ARHGAP24: variants seen among roughly 807,000 people sequenced by gnomAD.
ARHGAP24 encodes Rho GTPase activating protein 24, also known as rho GTPase-activating protein 24.
In ARHGAP24, 50 loss-of-function variants were observed where a neutral mutation model predicts 76.4. That is an observed-to-expected ratio of 0.65 (90% CI 0.52 to 0.83). The LOEUF (loss-of-function observed/expected upper bound fraction) is 0.83. Among genes scored for constraint, ARHGAP24 ranks in the 40% least tolerant of loss-of-function variants. ARHGAP24 has a pLI of 0.00. For missense variants in ARHGAP24, 930 were observed against 914.2 expected (o/e 1.02, Z -0.22); for synonymous variants, 345 against 323.3 (o/e 1.07, Z -0.72).
Position 85,734,734 on chromosome 4 carries a change from A to G in ARHGAP24, c.268+12762A>G, listed in dbSNP as rs116593733. Among the ~76,000 whole-genome samples the G allele has an allele frequency of 3.5e-3, 512 of 144,874 alleles. 1 individual carries two copies. The highest frequency in any genetic ancestry group is 0.013 in the African/African-American group (496 of 39,648). On this transcript the variant is annotated intron_variant, in intron 3 of 9. Coordinates refer to ENST00000395184, the MANE Select transcript of ARHGAP24 (RefSeq NM_001025616.3). ...CTTGCTTATCGGAATCACAGTGGAG[A>G]TAATGACAAAACTGTGCTTGGAGGC... is the stretch of plus-strand genomic sequence containing the variant.
intron 2 of ARHGAP24, among the ~76,000 whole-genome samples, chr4:85,717,855 A>G (rs1724789218): frequency 6.6e-6 from 1 of 152,210 alleles, no homozygotes; most frequent in Non-Finnish European, 1.5e-5. Context: ...GAGAGCAAAG[A>G]GTTTATTATT....
chr4:85,917,617 A>AC (rs1735494094), intron 3 of ARHGAP24, among the ~76,000 whole-genome samples: 1 of 152,182 alleles, frequency 6.6e-6, no homozygotes, highest in African/African-American at 2.4e-5. Context: ...AACTGGTGTG[A>AC]GATGGTATCT....
intron 8 of ARHGAP24, among the ~76,000 whole-genome samples, chr4:85,988,361 A>C (rs1449637134): frequency 1.3e-5 from 2 of 151,854 alleles, no homozygotes. Context: ...GTAACATGGC[A>C]TACATAATAC....
chr4:85,985,089 T>A (rs1282197915), intron 8 of ARHGAP24, among the ~76,000 whole-genome samples: 7 of 152,212 alleles, frequency 4.6e-5, no homozygotes, highest in Admixed American at 4.6e-4. Context: ...CCCTGAGTGC[T>A]GGGATTAGAG....
intron 3 of ARHGAP24, among the ~76,000 whole-genome samples, chr4:85,747,364 A>T (rs1016075282): frequency 6.6e-6 from 1 of 152,176 alleles, no homozygotes; most frequent in Non-Finnish European, 1.5e-5. Flanking sequence ...AGCACTAAGC[A>T]CAAATAAAAA....
intron 3 of ARHGAP24, among the ~76,000 whole-genome samples, chr4:85,906,239 G>C (rs1330989201): frequency 6.6e-6 from 1 of 152,114 alleles, no homozygotes. Context: ...ACTCACATTA[G>C]GAAGCTGCTT....
chr4:85,709,377 A>T (rs907587843), intron 2 of ARHGAP24, among the ~76,000 whole-genome samples: 3 of 152,192 alleles, frequency 2.0e-5, no homozygotes, highest in Admixed American at 6.6e-5. Flanking sequence ...ATCTCCACAG[A>T]TAAAAATAGT....
chr4:85,508,434 CATTCATAA>C (rs1560513350), intron 1 of ARHGAP24, among the ~76,000 whole-genome samples: 1 of 152,056 alleles, frequency 6.6e-6, no homozygotes, highest in Non-Finnish European at 1.5e-5. Flanking sequence ...AGTGATCTTC[CATTCATAA>C]ATTATAGCTT....
intron 3 of ARHGAP24, among the ~76,000 whole-genome samples, chr4:85,896,607 G>A (rs1247728816): frequency 1.3e-5 from 2 of 152,016 alleles, no homozygotes; most frequent in Non-Finnish European, 2.9e-5. Flanking sequence ...CATTTATTTG[G>A]GAGACATAGG....
chr4:85,577,962 G>A (rs978298462), intron 2 of ARHGAP24, among the ~76,000 whole-genome samples: 1 of 152,124 alleles, frequency 6.6e-6, no homozygotes, highest in African/African-American at 2.4e-5. Flanking sequence ...GAAAGCAGAG[G>A]CAAGTTTGTT....
chr4:86,000,076 C>A, intron 9 of ARHGAP24: 1 of 160,162 alleles, frequency 6.2e-6, no homozygotes, highest in South Asian at 1.4e-4. Context: ...AATGTTATTG[C>A]CCTCTTTTTT....
intron 3 of ARHGAP24, among the ~76,000 whole-genome samples, chr4:85,867,515 A>C (rs1360618794): frequency 6.6e-6 from 1 of 152,114 alleles, no homozygotes; most frequent in Non-Finnish European, 1.5e-5. Flanking sequence ...CATATGATTT[A>C]AATTTTTTTC....
chr4:85,652,098 G>A (rs530018212), intron 2 of ARHGAP24, among the ~76,000 whole-genome samples: 2 of 152,166 alleles, frequency 1.3e-5, no homozygotes, highest in East Asian at 3.9e-4. Flanking sequence ...AAGACTTTAT[G>A]CTGCATGCTT....
chr4:85,616,313 A>G (rs1239456794), intron 2 of ARHGAP24, among the ~76,000 whole-genome samples: 1 of 152,234 alleles, frequency 6.6e-6, no homozygotes, highest in African/African-American at 2.4e-5. Context: ...TGTTAAGTAA[A>G]GCCTACAAAG....
At chr4:85,934,169 A>G (rs547172971) in intron 4 of ARHGAP24, among the ~76,000 whole-genome samples, 11 of 152,352 alleles carry the variant, frequency 7.2e-5, no homozygotes, top group Non-Finnish European at 1.5e-4. Flanking sequence ...AGTGCTGTCA[A>G]GCAACTTTCC....
chr4:85,668,086 C>G (rs899660723), intron 2 of ARHGAP24, among the ~76,000 whole-genome samples: 2 of 152,000 alleles, frequency 1.3e-5, no homozygotes, highest in Admixed American at 6.6e-5. Context: ...TCTTGTGATC[C>G]CCTTCAGTTT....
chr4:85,657,704 C>T (rs1359633912), intron 2 of ARHGAP24, among the ~76,000 whole-genome samples: 4 of 152,180 alleles, frequency 2.6e-5, no homozygotes, highest in Admixed American at 6.5e-5. Flanking sequence ...CAAACATTGC[C>T]GGGGTAGATG....
intron 3 of ARHGAP24, among the ~76,000 whole-genome samples, chr4:85,917,452 G>A (rs1209319070): frequency 6.6e-6 from 1 of 151,704 alleles, no homozygotes; most frequent in Non-Finnish European, 1.5e-5. Context: ...TGGGTCAAAT[G>A]GTATTTCTAG....
chr4:85,904,498 T>C (rs1375240716), intron 3 of ARHGAP24, among the ~76,000 whole-genome samples: 9 of 152,206 alleles, frequency 5.9e-5, no homozygotes, highest in Non-Finnish European at 1.5e-5. Context: ...GAGACAAATA[T>C]ACAAACTATA....
Sources: allele counts gnomAD v4.1 joint callset (sites outside exome capture counted in the v4.1 genomes callset), GRCh38; gene constraint gnomAD v4.1.1; transcripts MANE v1.5; gene names NCBI Gene and HGNC (gene_info 2026-07-23, HGNC 2026-07-21).